P2RY6: variants seen among roughly 807,000 people sequenced by gnomAD.
The protein encoded by P2RY6 is P2Y purinoceptor 6.
Under a neutral mutation model 16.3 loss-of-function variants are expected in P2RY6, and 19 were observed. The ratio of observed to expected loss-of-function variants is 1.16; its 90% CI spans 0.81 to 1.71. The LOEUF is 1.71. P2RY6 is among the 40% of genes most tolerant of loss of function. The pLI is 0.00. For synonymous variants in P2RY6, 184 were observed against 201.5 expected, an observed-to-expected ratio of 0.91 and a Z score of 0.74; for missense variants, 389 against 455.5, an observed-to-expected ratio of 0.85 and a Z score of 1.33.
rs79398174 is a variant in P2RY6, at chr11:73,278,966, C to T, written c.-121+6500C>T. Among the ~76,000 whole-genome samples the T allele has an allele frequency of 6.3e-3, 955 of 151,024 alleles. 11 individuals are homozygous for T. Among genetic ancestry groups the T allele is most frequent in the African/African-American group, 0.022 (897 of 41,178 alleles). ...ATAATATTTTTCACAGAGACCACAT[C>T]ATTTTACATTTCCACAGTAATGCAA... On this transcript the variant is annotated intron_variant, in intron 1 of 2. Transcript: ENST00000540124.
chr11:73,296,668 G>T lies in P2RY6; in HGVS notation c.150G>T (p.Gln50His). 6.2e-7 allele frequency: 1 copy of T among 1,614,178 alleles called. No individual in the cohort carries two copies. The highest frequency in any genetic ancestry group is 8.5e-7 in the Non-Finnish European group (1 of 1,180,030). ...GLPLNICVIT[Q>H]ICTSRRALTR... ...CGCTGAACATCTGTGTCATTACCCA[G>T]ATCTGCACGTCCCGCCGGGCCCTGA... The change falls in exon 3 of 3, where the codon CAG (glutamine) becomes CAT (histidine). Residue 50 changes from glutamine to histidine, a missense_variant. Gln to His is a conservative substitution (Grantham distance 24). Transcript: ENST00000540124.
chr11:73,268,092 G>A (rs567942655), upstream of P2RY6, among the ~76,000 whole-genome samples: 1 of 152,386 alleles, frequency 6.6e-6, no homozygotes, highest in Non-Finnish European at 1.5e-5. Flanking sequence ...GCCAGGGCAC[G>A]TGTGCATATG....
chr11:73,264,676 G>A (rs917948065), intron 1 of P2RY6: 4 of 152,538 alleles, frequency 2.6e-5, no homozygotes, highest in Non-Finnish European at 4.4e-5. Context: ...GCAGGGACAG[G>A]GGTAAGGGGT....
chr11:73,272,928 G>A (rs1348564877), intron 1 of P2RY6, among the ~76,000 whole-genome samples: 1 of 152,016 alleles, frequency 6.6e-6, no homozygotes, highest in African/African-American at 2.4e-5. Flanking sequence ...GAGGAGGCTG[G>A]GCCCTGCCCT....
chr11:73,274,022 G>C (rs1482631480), intron 1 of P2RY6, among the ~76,000 whole-genome samples: 1 of 152,154 alleles, frequency 6.6e-6, no homozygotes. Context: ...ATATTTTGTA[G>C]AGATGGGGTT....
At chr11:73,282,390 G>T (rs531151430) in intron 1 of P2RY6, among the ~76,000 whole-genome samples, 2 of 152,200 alleles carry the variant, frequency 1.3e-5, no homozygotes, top group East Asian at 3.8e-4. Context: ...CAGAGGCCAC[G>T]TGTGTAGCCT....
intron 1 of P2RY6, among the ~76,000 whole-genome samples, chr11:73,295,492 C>T (rs1238804357): frequency 2.0e-5 from 3 of 152,182 alleles, no homozygotes; most frequent in Non-Finnish European, 4.4e-5. Context: ...GGTTCTGACT[C>T]TGCTCTGAGT....
intron 1 of P2RY6, among the ~76,000 whole-genome samples, chr11:73,292,305 A>G (rs1292921502): frequency 6.6e-6 from 1 of 152,138 alleles, no homozygotes. Context: ...GCGGGGGGAG[A>G]AGGCGGCTGA....
chr11:73,283,618 G>T (rs1316758062), intron 1 of P2RY6, among the ~76,000 whole-genome samples: 1 of 152,200 alleles, frequency 6.6e-6, no homozygotes, highest in Non-Finnish European at 1.5e-5. Flanking sequence ...GACAGTTGCT[G>T]GCTCCTTGGT....
chr11:73,277,273 C>G (rs1312336634), intron 1 of P2RY6, among the ~76,000 whole-genome samples: 1 of 152,026 alleles, frequency 6.6e-6, no homozygotes, highest in Non-Finnish European at 1.5e-5. Flanking sequence ...GCCACCACAC[C>G]TGGCTAATTT....
At chr11:73,271,318 G>A (rs977944092), upstream of P2RY6, among the ~76,000 whole-genome samples, 10 of 152,146 alleles carry the variant, frequency 6.6e-5, no homozygotes, top group South Asian at 8.3e-4. Context: ...AGGACGAGCC[G>A]CGGACAAAAC....
chr11:73,298,261 C>G lies in P2RY6; in HGVS notation c.*756C>G, dbSNP rs1402300537. ...CACTTTAATGCAACCCAGGTATGCT[C>G]CATGCATATCCAGCTGGGCCAGCCT... is the stretch of plus-strand genomic sequence containing the variant. On this transcript the variant is annotated 3_prime_UTR_variant, in exon 3 of 3. Transcript: ENST00000540124. The G allele has an allele frequency of 1.8e-5, 3 of 167,166 alleles. No individual in the cohort carries two copies. The East Asian group carries it at 5.8e-4, about 32-fold the overall frequency. The allele number at this position is 167,166 out of a possible 1,614,324, so 10.4% of individuals were successfully genotyped here. A position where few individuals can be genotyped will look rare whatever the true frequency, so the allele number is the denominator to read the frequency against.
intron 1 of P2RY6, among the ~76,000 whole-genome samples, chr11:73,293,195 A>C (rs894348876): frequency 2.0e-5 from 3 of 152,154 alleles, no homozygotes; most frequent in African/African-American, 7.2e-5. Context: ...TGAAGGGAAC[A>C]GTGGAGATGG....
Position 73,272,572 on chromosome 11 carries a change from C to T in P2RY6, c.-121+106C>T, listed in dbSNP as rs899501782. On this transcript the variant is annotated intron_variant, in intron 1 of 2. Transcript: ENST00000540124. ...TGCAGCCACCGAGGCTCATCACAGG[C>T]AAGAGTGGCAGTAGGGCAGGCACTG... 53 of 919,626 alleles carry T rather than the reference C, an allele frequency of 5.8e-5. No individual in the cohort carries two copies. In the African/African-American group the frequency reaches 8.8e-4, roughly 15 times the overall value. The allele number at this position is 919,626 out of a possible 1,614,324, so 57.0% of individuals were successfully genotyped here.
chr11:73,296,425 G>T (rs1864483302), intron 2 of P2RY6, 60 bp from the exon 3 acceptor site: 3 of 1,471,150 alleles, frequency 2.0e-6, no homozygotes, highest in African/African-American at 2.8e-5. Context: ...CCGAGGAGGG[G>T]CAGGGCCTGC....
chr11:73,279,916 C>T (rs1035460118), intron 1 of P2RY6, among the ~76,000 whole-genome samples: 1 of 152,204 alleles, frequency 6.6e-6, no homozygotes, highest in Non-Finnish European at 1.5e-5. Flanking sequence ...GGTTGGGAAG[C>T]TCTGCTTAGA....
At position 73,296,233 on chromosome 11, in the gene P2RY6, AATATAT is replaced by A. The variant is rs1554992362; in HGVS notation, c.-34-232_-34-227del. Among the ~76,000 whole-genome samples the A allele has an allele frequency of 2.9e-3, 357 of 124,484 alleles. 2 individuals carry two copies. Among genetic ancestry groups the A allele is most frequent in the African/African-American group, 0.012 (345 of 28,412 alleles). 81.7% of individuals were successfully genotyped at this position (124,484 alleles called of 152,430 possible). A position where few individuals can be genotyped will look rare whatever the true frequency, so the allele number is the denominator to read the frequency against. ...CTAGGAAGGCTGAAGGAAAAAAAAAAATATATATATATATATATATATATAATATAT... is the reference window on the plus strand; with the variant it reads ...CTAGGAAGGCTGAAGGAAAAAAAAAAATATATATATATATATATAATATAT... On this transcript the variant is annotated intron_variant, in intron 2 of 2. Coordinates refer to ENST00000540124, the MANE Select transcript of P2RY6 (RefSeq NM_001277204.2).
In P2RY6 at chr11:73,298,367, A is replaced by T. The variant is rs1864596049; in HGVS notation, c.*862A>T. 6.0e-6 allele frequency: 1 copy of T among 167,188 alleles called. No individual in the cohort carries two copies. Among genetic ancestry groups the T allele is most frequent in the African/African-American group, 2.4e-5 (1 of 41,456 alleles). 10.4% of individuals were successfully genotyped at this position (167,188 alleles called of 1,614,324 possible). A position where few individuals can be genotyped will look rare whatever the true frequency, so the allele number is the denominator to read the frequency against. On this transcript the variant is annotated 3_prime_UTR_variant, in exon 3 of 3. Coordinates refer to ENST00000540124, the MANE Select transcript of P2RY6 (RefSeq NM_001277204.2). Reference sequence around the variant, plus strand: ...GCCTTGCGTGTGTGAAAGCTGAGAAAATGGGAGCTGTGCTTCAGCTACCCT... The same window carrying T: ...GCCTTGCGTGTGTGAAAGCTGAGAATATGGGAGCTGTGCTTCAGCTACCCT...
At chr11:73,270,155 T>C (rs1863241182), upstream of P2RY6, 1 of 152,210 alleles carries the variant, frequency 6.6e-6, no homozygotes, top group South Asian at 2.1e-4. Context: ...ACTCCTGATA[T>C]GTAAGTGCCT....
Sources: gnomAD v4.1 joint callset for allele counts (sites outside exome capture counted in the v4.1 genomes callset) on GRCh38, gnomAD v4.1.1 for gene constraint, MANE v1.5 for transcripts, NCBI Gene and HGNC (gene_info 2026-07-23, HGNC 2026-07-21) for gene names.